LIMS1: variants seen among roughly 807,000 people sequenced by gnomAD.
LIMS1 encodes LIM and senescent cell antigen-like-containing domain protein 1.
In LIMS1, 18 loss-of-function variants were observed where a neutral mutation model predicts 44.1. The ratio of observed to expected loss-of-function variants is 0.41; its 90% confidence interval spans 0.28 to 0.61. The LOEUF (loss-of-function observed/expected upper bound fraction) is 0.61. Ranked by LOEUF, LIMS1 falls within the 20% of genes least tolerant of loss-of-function variation. The probability of loss-of-function intolerance (pLI) is 0.32; values close to 1 mark genes in which losing one functional copy is unlikely to be tolerated. For synonymous variants in LIMS1, 93 were observed against 149.1 expected, an observed-to-expected ratio of 0.62 and a Z score of 2.74; for missense variants, 201 against 422.0, an observed-to-expected ratio of 0.48 and a Z score of 4.59.
Position 108,667,540 on chromosome 2 carries a change from A to T in LIMS1, c.193-3241A>T, listed in dbSNP as rs1375099788. Among the ~76,000 whole-genome samples the T allele has an allele frequency of 9.8e-4, 29 of 29,504 alleles. No individual in the cohort carries two copies. The East Asian group carries it at 0.066, about 67-fold the overall frequency. The allele number at this position is 29,504 out of a possible 152,430, so 19.4% of individuals were successfully genotyped here. A position where few individuals can be genotyped will look rare whatever the true frequency, so the allele number is the denominator to read the frequency against. On this transcript the variant is annotated intron_variant, in intron 2 of 9. Coordinates refer to ENST00000544547, the Ensembl canonical transcript of LIMS1. Reference sequence around the variant, plus strand: ...GTGATTATATTTTCAACCTTTTTTAAAAAAAAAAAAAATATATATATATAT... The same window carrying T: ...GTGATTATATTTTCAACCTTTTTTATAAAAAAAAAAAATATATATATATAT...
chr2:108,667,551 A>AAAAATATATATAT (rs765279788), intron 2 of LIMS1, among the ~76,000 whole-genome samples: 3 of 130,484 alleles, frequency 2.3e-5, no homozygotes, highest in Non-Finnish European at 4.9e-5. Context: ...AAAAAAAAAA[A>AAAAATATATATAT]ATATATATAT....
intron 1 of LIMS1, among the ~76,000 whole-genome samples, chr2:108,603,230 C>T (rs532344912): frequency 6.6e-6 from 1 of 152,226 alleles, no homozygotes; most frequent in South Asian, 2.1e-4. Flanking sequence ...CTTTAAATGT[C>T]TGGTATAATT....
chr2:108,574,954 G>T (rs1434273531), intron 1 of LIMS1, among the ~76,000 whole-genome samples: 1 of 152,136 alleles, frequency 6.6e-6, no homozygotes, highest in African/African-American at 2.4e-5. Context: ...TGGTCATTGG[G>T]TTGGGGACTA....
At chr2:108,607,710 C>T (rs181618979) in intron 1 of LIMS1, among the ~76,000 whole-genome samples, 67 of 152,246 alleles carry the variant, frequency 4.4e-4, no homozygotes, top group African/African-American at 1.5e-3. Context: ...TTCTCGTCTT[C>T]CTTTGAGTGG....
chr2:108,590,569 A>G (rs1356382680), intron 1 of LIMS1, among the ~76,000 whole-genome samples: 1 of 152,224 alleles, frequency 6.6e-6, no homozygotes. Flanking sequence ...GAGGCTAACC[A>G]AAAAGAGCGG....
At chr2:108,662,493 G>T in intron 2 of LIMS1, 1 of 1,347,712 alleles carries the variant, frequency 7.4e-7, no homozygotes, top group Non-Finnish European at 9.9e-7. Flanking sequence ...CTATTCATGG[G>T]CTGTTGCCCA....
At chr2:108,635,236 G>A (rs1429633476) in intron 1 of LIMS1, among the ~76,000 whole-genome samples, 1 of 152,094 alleles carries the variant, frequency 6.6e-6, no homozygotes, top group African/African-American at 2.4e-5. Flanking sequence ...TTCGAGACCA[G>A]CCTAGCCAAC....
At chr2:108,654,456 T>C (rs1035486741) in intron 1 of LIMS1, among the ~76,000 whole-genome samples, 2 of 152,082 alleles carry the variant, frequency 1.3e-5, no homozygotes, top group East Asian at 1.9e-4. Flanking sequence ...GCAAAGGTGA[T>C]AGAAGTCAAA....
exon 10 of LIMS1, chr2:108,683,914 C>T (rs1367753745): frequency 2.5e-6 from 4 of 1,593,674 alleles, no homozygotes; most frequent in East Asian, 4.5e-5. Context: ...GACATGAAGC[C>T]AGTCTGTAAG....
intron 8 of LIMS1, among the ~76,000 whole-genome samples, chr2:108,679,665 C>T (rs1210789938): frequency 2.0e-5 from 3 of 151,966 alleles, no homozygotes; most frequent in African/African-American, 7.3e-5. Flanking sequence ...ACCTGTAATC[C>T]CAGCACTTAA....
At chr2:108,687,125 G>T (rs1280815122) in exon 10 of LIMS1, 1 of 152,120 alleles carries the variant, frequency 6.6e-6, no homozygotes, top group Non-Finnish European at 1.5e-5. Context: ...TCATAGCCTT[G>T]TATTTCGTTT....
chr2:108,578,431 T>C (rs553556115), intron 1 of LIMS1, among the ~76,000 whole-genome samples: 2 of 152,246 alleles, frequency 1.3e-5, no homozygotes, highest in African/African-American at 4.8e-5. Context: ...TGTTATAATA[T>C]CTCCACCATA....
At chr2:108,624,151 C>T (rs576775849) in intron 1 of LIMS1, among the ~76,000 whole-genome samples, 5 of 152,290 alleles carry the variant, frequency 3.3e-5, no homozygotes, top group South Asian at 2.1e-4. Flanking sequence ...TCCAGTGGGT[C>T]GGAAGCCCCA....
intron 2 of LIMS1, among the ~76,000 whole-genome samples, chr2:108,663,411 C>T (rs1432131549): frequency 1.3e-5 from 2 of 152,318 alleles, no homozygotes; most frequent in East Asian, 1.9e-4. Flanking sequence ...GAGGCCCTAA[C>T]GCTAACTATA....
chr2:108,667,608 ATCTTTC>A (rs1324445832), intron 2 of LIMS1, among the ~76,000 whole-genome samples: 1 of 149,872 alleles, frequency 6.7e-6, no homozygotes, highest in Non-Finnish European at 1.5e-5. Context: ...TGCAATATAC[ATCTTTC>A]TCTTTCATTT....
At chr2:108,629,270 A>G (rs1688758758) in intron 1 of LIMS1, among the ~76,000 whole-genome samples, 1 of 152,244 alleles carries the variant, frequency 6.6e-6, no homozygotes, top group African/African-American at 2.4e-5. Context: ...TGTTTCAACC[A>G]TGTTCGGATG....
chr2:108,614,373 G>A (rs537927753), intron 1 of LIMS1, among the ~76,000 whole-genome samples: 1 of 152,260 alleles, frequency 6.6e-6, no homozygotes, highest in South Asian at 2.1e-4. Flanking sequence ...GCTGGGGAGG[G>A]TGTGGACACA....
chr2:108,667,548 A>AT (rs1558837748), intron 2 of LIMS1, among the ~76,000 whole-genome samples: 93 of 75,608 alleles, frequency 1.2e-3, no homozygotes, highest in African/African-American at 3.0e-3. Context: ...TAAAAAAAAA[A>AT]AAAATATATA....
chr2:108,570,553 G>A (rs1405443258), intron 1 of LIMS1, among the ~76,000 whole-genome samples: 1 of 152,090 alleles, frequency 6.6e-6, no homozygotes, highest in East Asian at 1.9e-4. Context: ...CCTTTTTAAT[G>A]CCAAACTAAT....
Sources: allele counts gnomAD v4.1 joint callset (sites outside exome capture counted in the v4.1 genomes callset), GRCh38; gene constraint gnomAD v4.1.1; transcripts MANE v1.5; gene names NCBI Gene and HGNC (gene_info 2026-07-23, HGNC 2026-07-21).